The following ROBO1 variants were observed in gnomAD, a reference collection of about 807,000 sequenced individuals.
ROBO1 encodes roundabout guidance receptor 1.
A neutral mutation model predicts 195.9 loss-of-function variants in ROBO1; 149 were observed. That is an observed-to-expected ratio of 0.76 (90% CI 0.67 to 0.87). ROBO1 has a LOEUF of 0.87. Ranked by LOEUF, ROBO1 falls within the 40% of genes least tolerant of loss-of-function variation. The pLI is 0.00. For synonymous variants in ROBO1, 816 were observed against 733.2 expected, an observed-to-expected ratio of 1.11 and a Z score of -1.82; for missense variants, 1,933 against 2,068.3, an observed-to-expected ratio of 0.93 and a Z score of 1.27.
chr3:79,027,710 A>G (rs1320384224), intron 3 of ROBO1, among the ~76,000 whole-genome samples: 1 of 152,050 alleles, frequency 6.6e-6, no homozygotes, highest in Non-Finnish European at 1.5e-5. Flanking sequence ...AAATCATCCA[A>G]TTTCATTGCT....
chr3:79,580,762 A>T (rs1281885452), intron 2 of ROBO1, among the ~76,000 whole-genome samples: 4 of 152,140 alleles, frequency 2.6e-5, no homozygotes, highest in Non-Finnish European at 5.9e-5. Context: ...ATGTGGTCAC[A>T]TCCTTCAAAA....
intron 3 of ROBO1, among the ~76,000 whole-genome samples, chr3:79,066,658 G>A (rs892478480): frequency 1.4e-4 from 22 of 151,966 alleles, no homozygotes; most frequent in Admixed American, 4.6e-4. Flanking sequence ...CAAGCAGGAG[G>A]TTCCCGCTTA....
chr3:79,029,833 T>C (rs766103675), intron 3 of ROBO1, among the ~76,000 whole-genome samples: 15 of 152,310 alleles, frequency 9.8e-5, no homozygotes, highest in Admixed American at 5.2e-4. Flanking sequence ...TAGAACAACA[T>C]TGACTATTTC....
intron 28 of ROBO1, among the ~76,000 whole-genome samples, chr3:78,613,379 A>G (rs1703930544): frequency 6.6e-6 from 1 of 152,192 alleles, no homozygotes; most frequent in Non-Finnish European, 1.5e-5. Flanking sequence ...GGTCCCATAA[A>G]TGTAAAATTG....
At chr3:79,200,149 G>A (rs1468947864) in intron 2 of ROBO1, among the ~76,000 whole-genome samples, 1 of 151,680 alleles carries the variant, frequency 6.6e-6, no homozygotes, top group Admixed American at 6.6e-5. Context: ...GAAAAGTATT[G>A]TAATGAGTGG....
At chr3:79,544,137 A>G (rs1300442427) in intron 2 of ROBO1, among the ~76,000 whole-genome samples, 1 of 152,020 alleles carries the variant, frequency 6.6e-6, no homozygotes, top group African/African-American at 2.4e-5. Flanking sequence ...GATTTTTCAT[A>G]TTTAATATAA....
chr3:78,666,330 G>A (rs1291049018), intron 14 of ROBO1, among the ~76,000 whole-genome samples: 1 of 152,158 alleles, frequency 6.6e-6, no homozygotes, highest in Non-Finnish European at 1.5e-5. Flanking sequence ...TGACAGAAAT[G>A]TTAAAAAGAC....
At chr3:79,142,628 G>C (rs1256822594) in intron 2 of ROBO1, among the ~76,000 whole-genome samples, 1 of 152,106 alleles carries the variant, frequency 6.6e-6, no homozygotes, top group Admixed American at 6.6e-5. Context: ...TAATGATGCG[G>C]CTCCTGTGTG....
At chr3:78,766,097 A>T (rs1415061622) in intron 4 of ROBO1, among the ~76,000 whole-genome samples, 1 of 152,172 alleles carries the variant, frequency 6.6e-6, no homozygotes, top group Non-Finnish European at 1.5e-5. Context: ...CATTTCCAAC[A>T]AATACCTCTT....
intron 4 of ROBO1, among the ~76,000 whole-genome samples, chr3:78,871,214 C>A (rs1020557211): frequency 3.3e-5 from 5 of 152,036 alleles, no homozygotes; most frequent in African/African-American, 1.2e-4. Flanking sequence ...GGATGGAGAG[C>A]GGCACAGGGA....
chr3:78,921,987 A>C (rs1195896060), intron 4 of ROBO1, among the ~76,000 whole-genome samples: 1 of 152,014 alleles, frequency 6.6e-6, no homozygotes, highest in Admixed American at 6.5e-5. Context: ...GGTTTTTCTT[A>C]TTAATAAGAG....
intron 1 of ROBO1, among the ~76,000 whole-genome samples, chr3:79,622,344 C>A (rs1372389278): frequency 6.6e-6 from 1 of 152,344 alleles, no homozygotes; most frequent in African/African-American, 2.4e-5. Context: ...AGCACCCCAA[C>A]TGTGGTTGCC....
chr3:79,609,379 T>G (rs150046755), intron 1 of ROBO1, among the ~76,000 whole-genome samples: 1 of 151,784 alleles, frequency 6.6e-6, no homozygotes, highest in Non-Finnish European at 1.5e-5. Context: ...GAAGAAAAAT[T>G]GAAACATCCG....
At chr3:79,733,832 A>G (rs928724032) in intron 1 of ROBO1, among the ~76,000 whole-genome samples, 6 of 152,134 alleles carry the variant, frequency 3.9e-5, no homozygotes, top group African/African-American at 1.4e-4. Context: ...AGTAGAATAA[A>G]TGGCTATGTT....
chr3:78,948,162 A>C (rs1482320514), intron 3 of ROBO1, among the ~76,000 whole-genome samples: 1 of 152,216 alleles, frequency 6.6e-6, no homozygotes, highest in Non-Finnish European at 1.5e-5. Flanking sequence ...AATCCTCCCT[A>C]ACTCATTTTA....
chr3:78,855,989 A>T (rs1314475317), intron 4 of ROBO1, among the ~76,000 whole-genome samples: 2 of 152,062 alleles, frequency 1.3e-5, no homozygotes, highest in Admixed American at 6.6e-5. Flanking sequence ...AGAAAAATTT[A>T]AAACTCAAAA....
At chr3:78,940,547 C>T (rs761103736) in intron 3 of ROBO1, among the ~76,000 whole-genome samples, 11 of 152,192 alleles carry the variant, frequency 7.2e-5, no homozygotes, top group South Asian at 2.1e-4. Flanking sequence ...AAGTACCTTG[C>T]GCATCCTCCT....
At chr3:78,960,646 G>A (rs921485978) in intron 3 of ROBO1, among the ~76,000 whole-genome samples, 11 of 151,844 alleles carry the variant, frequency 7.2e-5, no homozygotes, top group African/African-American at 2.4e-4. Flanking sequence ...TGGTTGTGGT[G>A]GCACGTGCCT....
At position 78,685,872 on chromosome 3, in the gene ROBO1, A is replaced by T. The variant is rs367652902; in HGVS notation, c.1216T>A (p.Ser406Thr). The change falls in exon 10 of 31, where the codon TCA becomes ACA. Residue 406 changes from serine to threonine, a missense_variant. Ser to Thr is a moderately conservative substitution (Grantham distance 58). This residue lies in a region of ROBO1 where 1,737 missense variants were observed against 1,882.5 expected (regional missense o/e 0.92). Transcript: ENST00000464233. ...YQPPQSSSRF[S>T]VSQTGDLTIT... ...GTGAGGTCGCCAGTCTGGGAGACTG[A>T]AAATCGGCTGGATGACTGTGGTGGT... 1 of 1,607,884 alleles carries T rather than the reference A, an allele frequency of 6.2e-7. No homozygotes were observed.
Sources: gnomAD v4.1 joint callset for allele counts (sites outside exome capture counted in the v4.1 genomes callset) on GRCh38, gnomAD v4.1.1 for gene constraint, gnomAD v4.1.1 regional missense constraint, MANE v1.5 for transcripts, NCBI Gene and HGNC (gene_info 2026-07-23, HGNC 2026-07-21) for gene names.